Variants in TACC2 observed in about 807,000 individuals in gnomAD.
The protein encoded by TACC2 is transforming acidic coiled-coil containing protein 2.
Under a neutral mutation model 227.3 loss-of-function variants are expected in TACC2, and 137 were observed. The observed-to-expected ratio is 0.60, with a 90% CI of 0.52 to 0.69. TACC2 has a LOEUF of 0.69. Ranked by LOEUF, TACC2 falls within the 30% of genes least tolerant of loss-of-function variation. The pLI is 0.00. For missense variants in TACC2, 3,470 were observed against 3,694.4 expected (o/e 0.94, Z 1.57); for synonymous variants, 1,523 against 1,487.5 (o/e 1.02, Z -0.55).
chr10:122,101,881 C>T (rs903208345), intron 5 of TACC2, among the ~76,000 whole-genome samples: 5 of 151,162 alleles, frequency 3.3e-5, no homozygotes, highest in South Asian at 4.2e-4. Flanking sequence ...CAACCCCATC[C>T]TTTTTTTAAA....
chr10:122,237,467 G>T lies in TACC2; in HGVS notation c.8200G>T (p.Val2734Leu), dbSNP rs2095879080. ...GTACTCCCGCATCGGGACCGCTGAG[G>T]TGGAGAAACCTGCAGGCCTTCTGTT... ...ALYSRIGTAE[V>L]EKPAGLLFQQ... is the part of the protein sequence containing the mutation. The change falls in exon 17 of 23, where the codon GTG (valine) becomes TTG (leucine). Residue 2734 changes from valine to leucine, a missense_variant. This residue lies in a region of TACC2 where 345 missense variants were observed against 354.4 expected (regional missense o/e 0.97). Transcript: ENST00000369005. 1 of 1,614,150 alleles carries T rather than the reference G, an allele frequency of 6.2e-7. No homozygotes were observed. Among genetic ancestry groups the T allele is most frequent in the Non-Finnish European group, 8.5e-7 (1 of 1,180,014 alleles).
intron 2 of TACC2, among the ~76,000 whole-genome samples, chr10:122,026,045 G>A (rs1405798297): frequency 2.0e-5 from 3 of 150,970 alleles, no homozygotes; most frequent in Non-Finnish European, 4.4e-5. Flanking sequence ...GAGGCTGGGT[G>A]CAGTGGCTCA....
intron 11 of TACC2, among the ~76,000 whole-genome samples, chr10:122,223,678 A>AT (rs1335933081): frequency 1.3e-5 from 2 of 152,172 alleles, no homozygotes; most frequent in Non-Finnish European, 2.9e-5. Context: ...TAAAGCTGAT[A>AT]TTTTTTTGAC....
chr10:122,176,117 C>CTA (rs35172894), intron 7 of TACC2, among the ~76,000 whole-genome samples: 678 of 54,596 alleles, frequency 0.012, 15 homozygotes, highest in South Asian at 0.023. Flanking sequence ...CTCTCTCTCT[C>CTA]TATATATATA....
chr10:122,007,993 C>G (rs1955400987), intron 1 of TACC2, among the ~76,000 whole-genome samples: 1 of 152,116 alleles, frequency 6.6e-6, no homozygotes, highest in Non-Finnish European at 1.5e-5. Flanking sequence ...TGCAGAGAGT[C>G]CTCCCACCAG....
At chr10:122,046,444 AGCCT>A (rs2075013927) in intron 2 of TACC2, among the ~76,000 whole-genome samples, 1 of 152,220 alleles carries the variant, frequency 6.6e-6, no homozygotes, top group South Asian at 2.1e-4. Flanking sequence ...ACTGCACTCC[AGCCT>A]GGGTGACAGA....
chr10:122,244,504 C>G (rs958017650), intron 19 of TACC2, among the ~76,000 whole-genome samples: 1 of 152,116 alleles, frequency 6.6e-6, no homozygotes, highest in African/African-American at 2.4e-5. Flanking sequence ...GTCCTTGTGT[C>G]CTTGTGGAAG....
Position 122,085,472 on chromosome 10 carries a change from A to G in TACC2, c.2972A>G (p.Asn991Ser). 2 of 1,613,754 alleles carry G rather than the reference A, an allele frequency of 1.2e-6. No homozygotes were observed. The highest frequency in any genetic ancestry group is 1.7e-6 in the Non-Finnish European group (2 of 1,180,050). ...KETCCTGQGP[N>S]KSQQALADAL... ...ACTTGCTGCACTGGGCAGGGGCCAA[A>G]CAAGTCTCAACAGGCATTGGCTGAT... is the stretch of plus-strand genomic sequence containing the variant. Residue 991 changes from asparagine (N) to serine (S), a missense_variant, in exon 4 of 23, where the codon AAC becomes AGC. This residue lies in a region of TACC2 where 1,924 missense variants were observed against 1,978.3 expected (regional missense o/e 0.97). Coordinates refer to ENST00000369005, the MANE Select transcript of TACC2 (RefSeq NM_206862.4).
At chr10:122,172,828 C>T (rs1387021374) in intron 7 of TACC2, among the ~76,000 whole-genome samples, 2 of 151,712 alleles carry the variant, frequency 1.3e-5, no homozygotes, top group African/African-American at 2.4e-5. Flanking sequence ...CAAGAGCAGA[C>T]GGGGAGGGCA....
chr10:122,164,432 C>G (rs557098444), intron 7 of TACC2, among the ~76,000 whole-genome samples: 2 of 152,358 alleles, frequency 1.3e-5, no homozygotes, highest in African/African-American at 4.8e-5. Context: ...GCGTGGTGCG[C>G]TCTGGTGGAC....
At position 122,210,829 on chromosome 10, in the gene TACC2, T is replaced by G; in HGVS notation, c.6404T>G (p.Leu2135Ter). ...ACTAAAAAACCGAGGCCGCCTTCCT[T>G]AAAAAAGAAACAGACCACCAAGAAA... The part of the protein sequence containing the change: ...KRTKKPRPPS[L>*]KKKQTTKKPT... The change falls in exon 9 of 23, where the codon TTA becomes TGA. Residue 2135 changes from leucine to a stop codon, truncating the protein, a stop_gained. Transcript: ENST00000369005. LOFTEE classifies it high-confidence loss of function. This position sits in a 1 kb window ranked among gnomAD's most constrained non-coding sequence, Gnocchi z 4.6. 6.2e-7 allele frequency: 1 copy of G among 1,611,284 alleles called. No individual in the cohort carries two copies. The highest frequency in any genetic ancestry group is 8.5e-7 in the Non-Finnish European group (1 of 1,179,382).
rs528121201 is a variant in TACC2, at chr10:122,170,200, C to G, written c.5835-24840C>G. On this transcript the variant is annotated intron_variant, in intron 7 of 22. Coordinates refer to ENST00000369005, the MANE Select transcript of TACC2 (RefSeq NM_206862.4). Reference sequence around the variant, plus strand: ...CGAACCCAGCCCCACCCCCATCTTCCTCATCTCAACACCTGGGACCTTATT... The same window carrying G: ...CGAACCCAGCCCCACCCCCATCTTCGTCATCTCAACACCTGGGACCTTATT... Among the ~76,000 whole-genome samples the G allele has an allele frequency of 3.9e-5, 6 of 152,004 alleles. No individual in the cohort carries two copies. The East Asian group carries it at 1.2e-3, about 29-fold the overall frequency.
intron 5 of TACC2, among the ~76,000 whole-genome samples, chr10:122,100,573 A>G (rs1388576167): frequency 6.6e-6 from 1 of 151,614 alleles, no homozygotes; most frequent in Non-Finnish European, 1.5e-5. Context: ...ACAGGCACGC[A>G]CCACCACACC....
rs116039119 is a variant in TACC2 at position 122,226,317 on chromosome 10, C to T, written c.7609-49C>T. On this transcript the variant is annotated intron_variant, in intron 12 of 22. Coordinates refer to ENST00000369005, the MANE Select transcript of TACC2 (RefSeq NM_206862.4). ...TGCTCCAGTTTTCATCTCCGTTGCA[C>T]GTTCAGGCCAACTGTACCCAAGCTG... is the stretch of plus-strand genomic sequence containing the variant. 2,068 of 1,321,222 alleles carry T rather than the reference C, an allele frequency of 1.6e-3. 39 individuals carry two copies. In the African/African-American group the frequency reaches 0.026, roughly 17 times the overall value. The allele number at this position is 1,321,222 out of a possible 1,614,324, so 81.8% of individuals were successfully genotyped here.
chr10:122,108,186 C>T (rs564302649), intron 5 of TACC2, among the ~76,000 whole-genome samples: 61 of 151,928 alleles, frequency 4.0e-4, no homozygotes, highest in African/African-American at 1.2e-3. Flanking sequence ...CCACTGTGCC[C>T]GGCCAATTAT....
chr10:122,088,673 A>G, intron 5 of TACC2, 82 bp downstream of exon 5: 7 of 1,559,218 alleles, frequency 4.5e-6, no homozygotes, highest in Non-Finnish European at 6.1e-6. Context: ...AAAGGAGAGT[A>G]GTCCTTATAC....
rs755632231 is a variant in TACC2 at position 122,213,323 on chromosome 10, CTT to C, written c.7283+1617_7283+1618del. 3.8e-5 allele frequency: 61 copies of C among 1,610,116 alleles called. No homozygotes were observed. The African/African-American group carries it at 7.5e-4, about 20-fold the overall frequency. ...GTTCCTTCTGTCTGTCTCTCTTTTT[CTT>C]TGTCTTCTTGTCTTAGGATGGTTGA... On this transcript the variant is annotated intron_variant, in intron 9 of 22. Transcript: ENST00000369005.
chr10:122,127,171 G>T, intron 5 of TACC2: 1 of 156,674 alleles, frequency 6.4e-6, no homozygotes, highest in Non-Finnish European at 1.4e-5. Flanking sequence ...TTGTTCATAA[G>T]CCACCCCATC....
At chr10:122,167,845 C>G (rs1410860357) in intron 7 of TACC2, among the ~76,000 whole-genome samples, 1 of 152,184 alleles carries the variant, frequency 6.6e-6, no homozygotes, top group Non-Finnish European at 1.5e-5. Context: ...CGCTGGGGCT[C>G]TAAGCAGGAC....
Sources: allele counts gnomAD v4.1 joint callset (sites outside exome capture counted in the v4.1 genomes callset), GRCh38; gene constraint gnomAD v4.1.1; regional missense constraint gnomAD v4.1.1; non-coding constraint Gnocchi (gnomAD v3.1); transcripts MANE v1.5; gene names NCBI Gene and HGNC (gene_info 2026-07-23, HGNC 2026-07-21).